The following ZNF565 variants were observed in gnomAD, a reference collection of about 807,000 sequenced individuals.
The protein encoded by ZNF565 is zinc finger protein 565.
ZNF565 carries 27 observed loss-of-function variants against 39.4 expected under a neutral mutation model. That is an observed-to-expected ratio of 0.69 (90% CI 0.51 to 0.95). The LOEUF (loss-of-function observed/expected upper bound fraction) is 0.95, where lower values mean the gene tolerates loss of function less well. Ranked by LOEUF, ZNF565 falls within the 40% of genes least tolerant of loss-of-function variation. The probability of loss-of-function intolerance (pLI) is 0.00; values close to 1 mark genes in which losing one functional copy is unlikely to be tolerated. For synonymous variants in ZNF565, 185 were observed against 216.6 expected (o/e 0.85, Z 1.28); for missense variants, 524 against 621.1 (o/e 0.84, Z 1.66).
rs1599915734 is a variant in ZNF565 at position 36,188,955 on chromosome 19, C to T, written c.233-5222G>A. ...AAAAGGCCACATACTGGATGATTTA[C>T]ATGAGATACCTAGAATAGGCAAATT... On this transcript the variant is annotated intron_variant, in intron 4 of 4. Transcript: ENST00000304116. Among the ~76,000 whole-genome samples, 7 of 152,246 alleles carry T rather than the reference C, an allele frequency of 4.6e-5. No homozygotes were observed. In the Middle Eastern group the frequency reaches 0.014, roughly 296 times the overall value.
chr19:36,183,659 C>A lies in ZNF565; in HGVS notation c.307G>T (p.Glu103Ter). The A allele has an allele frequency of 6.2e-7, 1 of 1,614,072 alleles. No individual in the cohort carries two copies. The highest frequency in any genetic ancestry group is 8.5e-7 in the Non-Finnish European group (1 of 1,179,992). ...EIGAFNWEIM[E>*]SLKCSDLEGS... The stretch of plus-strand genomic sequence containing the variant: ...TCCAGGTCACTGCATTTAAGGCTTT[C>A]CATTATCTCCCAGTTGAATGCCCCG... The change falls in exon 5 of 5, where the codon GAA (glutamate) becomes TAA (stop). Residue 103 changes from glutamate (E) to a stop codon, truncating the protein, a stop_gained. Transcript: ENST00000304116. LOFTEE classifies it low-confidence loss of function (END_TRUNC).
At position 36,183,293 on chromosome 19, in the gene ZNF565, A is replaced by G; in HGVS notation, c.673T>C (p.Cys225Arg). 2 of 1,614,160 alleles carry G rather than the reference A, an allele frequency of 1.2e-6. No individual in the cohort carries two copies. Among genetic ancestry groups the G allele is most frequent in the Non-Finnish European group, 1.7e-6 (2 of 1,180,022 alleles). Residue 225 changes from cysteine to arginine, a missense_variant, in exon 5 of 5, where the codon TGT becomes CGT. Physicochemically the swap from Cys to Arg is radical, Grantham distance 180 (BLOSUM62 -3). Coordinates refer to ENST00000304116, the MANE Select transcript of ZNF565 (RefSeq NM_152477.5). Reference protein sequence around the residue: ...RIHTGEKPYDCKDCGKAFGRT... With the variant: ...RIHTGEKPYDRKDCGKAFGRT... ...CCAAAGGCCTTCCCACAGTCCTTAC[A>G]GTCATAAGGTTTCTCACCCGTGTGA...
At chr19:36,219,506 A>AT (rs145670628), upstream of ZNF565, among the ~76,000 whole-genome samples, 2,219 of 150,422 alleles carry the variant, frequency 0.015, 49 homozygotes, top group African/African-American at 0.047. Flanking sequence ...ATCTCTGATG[A>AT]TTTTTTTTTT....
upstream of ZNF565, among the ~76,000 whole-genome samples, chr19:36,217,089 GTCTC>G (rs980258968): frequency 9.3e-6 from 1 of 107,668 alleles, no homozygotes; most frequent in South Asian, 3.5e-4. Context: ...TTGAGATGGA[GTCTC>G]TCTCTCTTGC....
chr19:36,242,251 A>C (rs921523109), intron 1 of ZNF565, among the ~76,000 whole-genome samples: 3 of 151,692 alleles, frequency 2.0e-5, no homozygotes, highest in African/African-American at 7.3e-5. Flanking sequence ...GTCTCTACTA[A>C]ACATAAAAAT....
In ZNF565 at chr19:36,245,647, CAG is replaced by C. The variant is rs1160340363; in HGVS notation, c.-119_-118del. ...CCACCTGCCCGAATTGGTGCTTTGGCAGAGTCTCTGGTGCCCGGGTGAATGGG... is the reference window on the plus strand; with the variant it reads ...CCACCTGCCCGAATTGGTGCTTTGGCAGTCTCTGGTGCCCGGGTGAATGGG... On this transcript the variant is annotated 5_prime_UTR_variant, in exon 1 of 5. Transcript: ENST00000355114. The surrounding 1 kb of genome is among the most constrained non-coding windows in gnomAD (Gnocchi z 4.4). The C allele has an allele frequency of 4.3e-6, 3 of 690,950 alleles. No individual in the cohort carries two copies. Among genetic ancestry groups the C allele is most frequent in the African/African-American group, 1.8e-5 (1 of 57,052 alleles). The allele number at this position is 690,950 out of a possible 1,614,324, so 42.8% of individuals were successfully genotyped here.
At chr19:36,224,089 A>G (rs1018828651) in intron 1 of ZNF565, among the ~76,000 whole-genome samples, 1 of 152,192 alleles carries the variant, frequency 6.6e-6, no homozygotes, top group Non-Finnish European at 1.5e-5. Context: ...ATTTATTAAA[A>G]GGTCTTACCT....
intron 1 of ZNF565, among the ~76,000 whole-genome samples, chr19:36,223,342 C>CA (rs375158030): frequency 0.26 from 34,286 of 131,506 alleles, 4,088 homozygotes; most frequent in African/African-American, 0.32. Context: ...GACTCCGTCT[C>CA]AAAAAAAAAA....
chr19:36,188,147 G>T (rs763535430), intron 4 of ZNF565, among the ~76,000 whole-genome samples: 2 of 150,756 alleles, frequency 1.3e-5, no homozygotes, highest in African/African-American at 2.4e-5. Context: ...ATGAGGTCAG[G>T]AGTTCGAGCC....
At position 36,182,447 on chromosome 19, in the gene ZNF565, C is replaced by A; in HGVS notation, c.*19G>T. 1.3e-6 allele frequency: 2 copies of A among 1,538,406 alleles called. No individual in the cohort carries two copies. Among genetic ancestry groups the A allele is most frequent in the Non-Finnish European group, 1.7e-6 (2 of 1,144,724 alleles). ...ACTCCACATAAAGGCTTATCTTTAT[C>A]CCTTACACTCAAGGCTTTCTAACCA... is the stretch of plus-strand genomic sequence containing the variant. On this transcript the variant is annotated 3_prime_UTR_variant, in exon 5 of 5. Coordinates refer to ENST00000304116, the MANE Select transcript of ZNF565 (RefSeq NM_152477.5).
chr19:36,239,040 C>T (rs189917842), intron 1 of ZNF565, among the ~76,000 whole-genome samples: 37 of 152,288 alleles, frequency 2.4e-4, no homozygotes, highest in Admixed American at 1.7e-3. Context: ...AACATCCCAT[C>T]CCCATTCTTC....
At chr19:36,187,463 G>A (rs1975346385) in intron 4 of ZNF565, among the ~76,000 whole-genome samples, 1 of 150,794 alleles carries the variant, frequency 6.6e-6, no homozygotes, top group South Asian at 2.2e-4. Flanking sequence ...CCGGATTCAC[G>A]CCATTCTCCT....
intron 1 of ZNF565, among the ~76,000 whole-genome samples, chr19:36,225,989 G>C (rs1157617233): frequency 6.6e-6 from 1 of 151,672 alleles, no homozygotes; most frequent in East Asian, 1.9e-4. Flanking sequence ...GGCTGGTCTT[G>C]AACTTCTGAG....
chr19:36,201,858 C>G lies in ZNF565; in HGVS notation c.9+119G>C, dbSNP rs1975976207. ...GAGGGACTTGGGCACCATTACTCAT[C>G]TCCTGGAATGGACCAACTGTGAGAA... is the stretch of plus-strand genomic sequence containing the variant. On this transcript the variant is annotated intron_variant, in intron 2 of 4. Transcript: ENST00000304116. 3 of 1,199,796 alleles carry G rather than the reference C, an allele frequency of 2.5e-6. No individual in the cohort carries two copies. The South Asian group carries it at 4.1e-5, about 16-fold the overall frequency. 74.3% of individuals were successfully genotyped at this position (1,199,796 alleles called of 1,614,324 possible).
At chr19:36,204,036 G>GCCT (rs762675743) in intron 1 of ZNF565, among the ~76,000 whole-genome samples, 10 of 149,396 alleles carry the variant, frequency 6.7e-5, no homozygotes, top group Non-Finnish European at 1.0e-4. Context: ...TGCAACCTCT[G>GCCT]CCTCCCATAC....
At chr19:36,222,236 C>A (rs1181491637) in intron 1 of ZNF565, among the ~76,000 whole-genome samples, 1 of 152,126 alleles carries the variant, frequency 6.6e-6, no homozygotes, top group African/African-American at 2.4e-5. Flanking sequence ...GGTGTTCCTT[C>A]TTAATCATAA....
intron 1 of ZNF565, among the ~76,000 whole-genome samples, chr19:36,203,874 T>C (rs1976056637): frequency 6.6e-6 from 1 of 151,740 alleles, no homozygotes; most frequent in African/African-American, 2.4e-5. Context: ...CTACTGTGCC[T>C]GGCCTAACAA....
At chr19:36,242,720 G>T (rs907247030) in intron 1 of ZNF565, among the ~76,000 whole-genome samples, 2 of 152,142 alleles carry the variant, frequency 1.3e-5, no homozygotes, top group Non-Finnish European at 2.9e-5. Context: ...GCAAGACTCT[G>T]TCTCGAAAAA....
At chr19:36,220,360 T>A (rs999793985) in intron 1 of ZNF565, among the ~76,000 whole-genome samples, 16 of 146,952 alleles carry the variant, frequency 1.1e-4, no homozygotes, top group Middle Eastern at 3.6e-3. Context: ...TTCTTTTTTT[T>A]AATTTAATTT....
Sources: gnomAD v4.1 joint callset for allele counts (sites outside exome capture counted in the v4.1 genomes callset) on GRCh38, gnomAD v4.1.1 for gene constraint, Gnocchi (gnomAD v3.1) non-coding constraint, MANE v1.5 for transcripts, NCBI Gene and HGNC (gene_info 2026-07-23, HGNC 2026-07-21) for gene names.